Variants in BBOF1 observed in about 807,000 individuals in gnomAD.
BBOF1 encodes the protein basal body orientation factor 1.
BBOF1 carries 62 observed loss-of-function variants against 68.0 expected under a neutral mutation model. The observed-to-expected ratio is 0.91, with a 90% CI of 0.74 to 1.13. BBOF1 has a LOEUF of 1.13. BBOF1 is among the 50% of genes most tolerant of loss of function. The pLI, the probability that BBOF1 is intolerant of heterozygous loss-of-function variation, is 0.00. For missense variants in BBOF1, 534 were observed against 600.1 expected (o/e 0.89, Z 1.15); for synonymous variants, 208 against 198.8 (o/e 1.05, Z -0.39).
At chr14:74,067,662 C>T, downstream of BBOF1, 1 of 1,351,770 alleles carries the variant, frequency 7.4e-7, no homozygotes, top group Non-Finnish European at 1.0e-6. Flanking sequence ...GTGGCTAATG[C>T]CTGTAATCCC....
chr14:74,065,981 A>G lies in BBOF1; in HGVS notation c.*1282A>G, dbSNP rs2060456986. On this transcript the variant is annotated 3_prime_UTR_variant, in exon 12 of 12. Transcript: ENST00000394009. ...ACTTACATTCAACACTTGATGATTC[A>G]CTATTATAGTAAGGATATATGAATT... 6.4e-6 allele frequency: 1 copy of G among 155,672 alleles called. No homozygotes were observed. The highest frequency in any genetic ancestry group is 1.4e-5 in the Non-Finnish European group (1 of 69,924). The allele number at this position is 155,672 out of a possible 1,614,324, so 9.6% of individuals were successfully genotyped here.
intron 2 of BBOF1, among the ~76,000 whole-genome samples, chr14:74,026,525 G>C (rs543675588): frequency 1.3e-5 from 2 of 150,438 alleles, no homozygotes; most frequent in South Asian, 2.1e-4. Context: ...ACATGGCCTT[G>C]TTTGAAGGGG....
chr14:74,043,634 G>A (rs1294942477), intron 5 of BBOF1, among the ~76,000 whole-genome samples: 2 of 148,542 alleles, frequency 1.3e-5, no homozygotes, highest in African/African-American at 2.5e-5. Flanking sequence ...GCATGATCTC[G>A]GCTCACTGCA....
At position 74,027,385 on chromosome 14, in the gene BBOF1, C is replaced by CTT. The variant is rs35107293; in HGVS notation, c.286-1774_286-1773dup. On this transcript the variant is annotated intron_variant, in intron 2 of 11. Coordinates refer to ENST00000394009, the MANE Select transcript of BBOF1 (RefSeq NM_025057.3). The stretch of plus-strand genomic sequence containing the variant: ...TACAGCCATGAGCCACCTCGCCCAG[C>CTT]TTTTTTTTTTTTTTTTTTTTTTTTT... Among the ~76,000 whole-genome samples the CTT allele has an allele frequency of 8.3e-3, 505 of 61,092 alleles. 71 individuals are homozygous for CTT. Among genetic ancestry groups the CTT allele is most frequent in the Middle Eastern group, 0.028 (2 of 72 alleles). 40.1% of individuals were successfully genotyped at this position (61,092 alleles called of 152,430 possible).
chr14:74,028,490 A>G (rs2059486470), intron 2 of BBOF1, among the ~76,000 whole-genome samples: 1 of 126,054 alleles, frequency 7.9e-6, no homozygotes, highest in Non-Finnish European at 1.7e-5. Flanking sequence ...ACACACACAC[A>G]CACACACACA....
Position 74,057,207 on chromosome 14 carries a change from T to G in BBOF1, c.1527T>G (p.Ser509=). Residue 509 remains serine (S), a synonymous_variant, in exon 11 of 12, where the codon TCT becomes TCG. Transcript: ENST00000394009. ...AGCAAATTGCAATATCAGACTCTTC[T>G]GGTGAAGTGGTGCTACCCACTATTC... ...ITQQIAISDS[S]GEVVLPTIPK... 4.3e-6 allele frequency: 7 copies of G among 1,614,144 alleles called. No individual in the cohort carries two copies. The highest frequency in any genetic ancestry group is 2.7e-5 in the African/African-American group (2 of 75,072).
Position 74,064,771 on chromosome 14 carries a change from T to G in BBOF1, c.*72T>G, listed in dbSNP as rs2060431599. On this transcript the variant is annotated 3_prime_UTR_variant, in exon 12 of 12. Coordinates refer to ENST00000394009, the MANE Select transcript of BBOF1 (RefSeq NM_025057.3). ...TGCAGAATCCTTGCTCCTGAATATC[T>G]TTAAGAAAATTTCTTAAAGGAAAAG... 1.2e-6 allele frequency: 2 copies of G among 1,611,810 alleles called. No homozygotes were observed. The highest frequency in any genetic ancestry group is 2.7e-5 in the African/African-American group (2 of 74,882).
intron 11 of BBOF1, among the ~76,000 whole-genome samples, chr14:74,062,606 C>A (rs2060372842): frequency 6.6e-6 from 1 of 151,862 alleles, no homozygotes; most frequent in Admixed American, 6.6e-5. Flanking sequence ...ATCAAAAAAA[C>A]CCCAAAACAA....
In BBOF1 at chr14:74,034,187, T is replaced by C. The variant is rs777909740; in HGVS notation, c.495+16T>C. ...GTTAGATGATGTAAGTTTCATTCCT[T>C]TTTTACAAAAAGGAAATTAGAATTA... On this transcript the variant is annotated intron_variant, in intron 4 of 11. Coordinates refer to ENST00000394009, the MANE Select transcript of BBOF1 (RefSeq NM_025057.3). 2 of 1,497,862 alleles carry C rather than the reference T, an allele frequency of 1.3e-6. No homozygotes were observed. 92.8% of individuals were successfully genotyped at this position (1,497,862 alleles called of 1,614,324 possible).
intron 11 of BBOF1, chr14:74,058,384 G>A (rs2060267579): frequency 6.7e-6 from 1 of 148,940 alleles, no homozygotes; most frequent in African/African-American, 2.5e-5. Context: ...TGTGATAAGA[G>A]CTAAAACAAG....
intron 5 of BBOF1, among the ~76,000 whole-genome samples, chr14:74,043,587 C>CA (rs1398459985): frequency 7.7e-6 from 1 of 130,020 alleles, no homozygotes; most frequent in Non-Finnish European, 1.6e-5. Context: ...AAAAAAAAGA[C>CA]AGAGTCTCAC....
intron 9 of BBOF1, 33 bp downstream of exon 9, chr14:74,055,718 T>C (rs761861500): frequency 1.3e-6 from 2 of 1,503,460 alleles, no homozygotes; most frequent in Non-Finnish European, 9.2e-7. Flanking sequence ...AAATACCAAG[T>C]TGTTATCAAA....
intron 6 of BBOF1, 129 bp downstream of exon 6, chr14:74,046,259 G>C (rs769400614): frequency 1.8e-5 from 12 of 673,376 alleles, no homozygotes; most frequent in Non-Finnish European, 2.9e-5. Flanking sequence ...CTGGTCTACT[G>C]TCCCTCCCTG....
intron 9 of BBOF1, among the ~76,000 whole-genome samples, chr14:74,056,586 T>C (rs2060213574): frequency 6.6e-6 from 1 of 152,086 alleles, no homozygotes; most frequent in Non-Finnish European, 1.5e-5. Flanking sequence ...TCCACTCACC[T>C]CGGCTTCCCA....
In BBOF1 at chr14:74,019,373, C is replaced by G. The variant is rs1000539803; in HGVS notation, c.-106C>G. 8.4e-5 allele frequency: 117 copies of G among 1,390,968 alleles called. No individual in the cohort carries two copies. The highest frequency in any genetic ancestry group is 1.0e-4 in the Non-Finnish European group (111 of 1,063,220). 86.2% of individuals were successfully genotyped at this position (1,390,968 alleles called of 1,614,324 possible). A position where few individuals can be genotyped will look rare whatever the true frequency, so the allele number is the denominator to read the frequency against. On this transcript the variant is annotated 5_prime_UTR_variant, in exon 1 of 12. Coordinates refer to ENST00000394009, the MANE Select transcript of BBOF1 (RefSeq NM_025057.3). ...CGCTCTCCGCGCGCCGTCAGCGGCG[C>G]GGGTGGGGCATTGCCAGCTCGGCGT...
chr14:74,030,904 T>TA (rs969478928), intron 3 of BBOF1, among the ~76,000 whole-genome samples: 2 of 144,468 alleles, frequency 1.4e-5, no homozygotes, highest in African/African-American at 5.1e-5. Flanking sequence ...TCAGAAAAGC[T>TA]AAAAAAAAGT....
chr14:74,065,410 G>T lies in BBOF1; in HGVS notation c.*711G>T. 2 of 1,554,140 alleles carry T rather than the reference G, an allele frequency of 1.3e-6. No individual in the cohort carries two copies. Among genetic ancestry groups the T allele is most frequent in the Non-Finnish European group, 1.8e-6 (2 of 1,131,798 alleles). On this transcript the variant is annotated 3_prime_UTR_variant, in exon 12 of 12. Coordinates refer to ENST00000394009, the MANE Select transcript of BBOF1 (RefSeq NM_025057.3). ...AAGAAGTCAGCTTTTTGGATTCTGA[G>T]TATTTTATGCTTATTTGGTACTTTC...
At chr14:74,056,786 A>G (rs2060220295) in intron 9 of BBOF1, 120 bp from the exon 10 acceptor site, 2 of 672,404 alleles carry the variant, frequency 3.0e-6, no homozygotes, top group African/African-American at 3.7e-5. Flanking sequence ...ACAAATACGT[A>G]TACCTACTAT....
intron 8 of BBOF1, among the ~76,000 whole-genome samples, chr14:74,052,824 C>T (rs1398980502): frequency 6.6e-6 from 1 of 151,076 alleles, no homozygotes; most frequent in Non-Finnish European, 1.5e-5. Flanking sequence ...CAGTGAGACC[C>T]CACCTCTACA....
Sources: gnomAD v4.1 joint callset for allele counts (sites outside exome capture counted in the v4.1 genomes callset) on GRCh38, gnomAD v4.1.1 for gene constraint, MANE v1.5 for transcripts, NCBI Gene and HGNC (gene_info 2026-07-23, HGNC 2026-07-21) for gene names.